Variants in KHDRBS2 observed in about 807,000 individuals in gnomAD.
KHDRBS2 encodes the protein KH domain-containing, RNA-binding, signal transduction-associated protein 2.
KHDRBS2 carries 26 observed loss-of-function variants against 44.3 expected under a neutral mutation model. The observed-to-expected ratio is 0.59, with a 90% CI of 0.43 to 0.81. The LOEUF (loss-of-function observed/expected upper bound fraction) is 0.81, where lower values mean the gene tolerates loss of function less well. KHDRBS2 is among the 40% of genes least tolerant of loss of function. The pLI is 0.00. For synonymous variants in KHDRBS2, 194 were observed against 151.1 expected (o/e 1.28, Z -2.08); for missense variants, 476 against 433.1 (o/e 1.10, Z -0.88).
At chr6:61,975,623 T>C (rs2127401625) in intron 4 of KHDRBS2, among the ~76,000 whole-genome samples, 1 of 148,026 alleles carries the variant, frequency 6.8e-6, no homozygotes, top group East Asian at 2.0e-4. Context: ...ACATTCATAT[T>C]CTAGCACAGA....
At chr6:61,913,416 C>A (rs1275993018) in intron 4 of KHDRBS2, among the ~76,000 whole-genome samples, 4 of 151,942 alleles carry the variant, frequency 2.6e-5, no homozygotes, top group Admixed American at 2.6e-4. Flanking sequence ...CTTGTGCAAA[C>A]ATAACCAGGC....
At chr6:61,634,887 G>A in the KHDRBS2 span, among the ~76,000 whole-genome samples, 1 of 152,042 alleles carries the variant, frequency 6.6e-6, no homozygotes, top group Non-Finnish European at 1.5e-5. Context: ...TATTGCAGCA[G>A]CCTCTTAACT....
intron 1 of KHDRBS2, among the ~76,000 whole-genome samples, chr6:62,279,002 G>A (rs181890475): frequency 2.0e-5 from 3 of 152,308 alleles, no homozygotes; most frequent in African/African-American, 7.2e-5. Flanking sequence ...GCTGAGACAG[G>A]AGAATGGCCT....
At chr6:62,033,752 T>C (rs1484161259) in intron 3 of KHDRBS2, among the ~76,000 whole-genome samples, 2 of 151,406 alleles carry the variant, frequency 1.3e-5, no homozygotes, top group Non-Finnish European at 3.0e-5. Flanking sequence ...AAAGGAAGGC[T>C]GAGGCAGGAG....
intron 7 of KHDRBS2, 21 bp downstream of exon 7, chr6:61,732,661 T>A (rs1267022640): frequency 1.4e-6 from 2 of 1,461,076 alleles, no homozygotes; most frequent in African/African-American, 1.4e-5. Flanking sequence ...AGAAGGCTGC[T>A]TTAGATAGCA....
intron 6 of KHDRBS2, among the ~76,000 whole-genome samples, chr6:61,833,617 G>C (rs1164202886): frequency 6.6e-6 from 1 of 151,390 alleles, no homozygotes; most frequent in Admixed American, 6.6e-5. Flanking sequence ...CCAGCATATA[G>C]TTCTCCATCA....
intron 8 of KHDRBS2, among the ~76,000 whole-genome samples, chr6:61,692,659 T>C (rs1405157661): frequency 6.6e-6 from 1 of 152,164 alleles, no homozygotes; most frequent in Non-Finnish European, 1.5e-5. Context: ...TAGAATGAAG[T>C]GTCCCACTGA....
chr6:62,008,414 T>C (rs1356187886), intron 3 of KHDRBS2, among the ~76,000 whole-genome samples: 7 of 152,216 alleles, frequency 4.6e-5, no homozygotes, highest in Admixed American at 4.6e-4. Flanking sequence ...TTGTGAGGAA[T>C]AAAATATATA....
At chr6:61,999,022 T>C (rs370612203) in intron 3 of KHDRBS2, among the ~76,000 whole-genome samples, 17 of 152,172 alleles carry the variant, frequency 1.1e-4, no homozygotes, top group African/African-American at 3.9e-4. Flanking sequence ...TCATTTATTT[T>C]GTTTTGAGAC....
intron 4 of KHDRBS2, among the ~76,000 whole-genome samples, chr6:61,972,193 T>C (rs1479162938): frequency 8.5e-5 from 13 of 152,202 alleles, no homozygotes; most frequent in Non-Finnish European, 1.8e-4. Flanking sequence ...TTCTTTTATC[T>C]GTCTTCCAAG....
the KHDRBS2 span, among the ~76,000 whole-genome samples, chr6:61,662,577 C>A: frequency 6.6e-6 from 1 of 151,938 alleles, no homozygotes; most frequent in Non-Finnish European, 1.5e-5. Context: ...ACCCCATCAA[C>A]AAGTGGGTGA....
At chr6:62,089,133 C>A (rs771345874) in intron 2 of KHDRBS2, among the ~76,000 whole-genome samples, 1 of 152,076 alleles carries the variant, frequency 6.6e-6, no homozygotes, top group African/African-American at 2.4e-5. Flanking sequence ...TAATTTCATA[C>A]CAGTGTATCT....
chr6:62,103,081 C>A (rs1160206244), intron 2 of KHDRBS2, among the ~76,000 whole-genome samples: 3 of 152,024 alleles, frequency 2.0e-5, no homozygotes, highest in Non-Finnish European at 4.4e-5. Flanking sequence ...CCATGGACAG[C>A]CATGGGAAGG....
rs143610059 is a variant in KHDRBS2 at position 62,123,113 on chromosome 6, T to A, written c.219+54072A>T. On this transcript the variant is annotated intron_variant, in intron 2 of 8. Coordinates refer to ENST00000281156, the MANE Select transcript of KHDRBS2 (RefSeq NM_152688.4). ...CCCTGCCCTGTGTCCATGTTCTCAT[T>A]GTTCAACTCTCACCTATGAGTGAGA... is the stretch of plus-strand genomic sequence containing the variant. Among the ~76,000 whole-genome samples, 377 of 152,268 alleles carry A rather than the reference T, an allele frequency of 2.5e-3. 3 individuals carry two copies. Among genetic ancestry groups the A allele is most frequent in the African/African-American group, 8.3e-3 (345 of 41,548 alleles).
At chr6:61,929,618 G>C (rs1809639280) in intron 4 of KHDRBS2, among the ~76,000 whole-genome samples, 1 of 152,124 alleles carries the variant, frequency 6.6e-6, no homozygotes, top group Non-Finnish European at 1.5e-5. Flanking sequence ...ATCACAAAGA[G>C]AGATAAAATT....
At chr6:61,579,138 G>C in the KHDRBS2 span, among the ~76,000 whole-genome samples, 2 of 152,118 alleles carry the variant, frequency 1.3e-5, no homozygotes, top group African/African-American at 4.8e-5. Context: ...ATTAGCTATT[G>C]ATAGAAACCT....
intron 2 of KHDRBS2, among the ~76,000 whole-genome samples, chr6:62,137,292 C>T (rs975097527): frequency 2.0e-5 from 3 of 152,126 alleles, no homozygotes; most frequent in East Asian, 1.9e-4. Flanking sequence ...TGAGCCACCG[C>T]GCCCAGCTCA....
At chr6:62,004,009 T>C (rs1458976916) in intron 3 of KHDRBS2, among the ~76,000 whole-genome samples, 5 of 152,140 alleles carry the variant, frequency 3.3e-5, no homozygotes, top group African/African-American at 9.7e-5. Context: ...AAGCAGTATG[T>C]AGAGGGAAAT....
chr6:62,256,491 T>C (rs1837414953), intron 1 of KHDRBS2, among the ~76,000 whole-genome samples: 1 of 151,980 alleles, frequency 6.6e-6, no homozygotes, highest in Admixed American at 6.6e-5. Flanking sequence ...GGAGCTTCCC[T>C]GCACAAACTC....
Sources: allele counts gnomAD v4.1 joint callset (sites outside exome capture counted in the v4.1 genomes callset), GRCh38; gene constraint gnomAD v4.1.1; transcripts MANE v1.5; gene names NCBI Gene and HGNC (gene_info 2026-07-23, HGNC 2026-07-21).